Variants in CCDC73 observed in about 807,000 individuals in gnomAD.
CCDC73 encodes coiled-coil domain-containing protein 73.
A neutral mutation model predicts 116.5 loss-of-function variants in CCDC73; 95 were observed. The ratio of observed to expected loss-of-function variants is 0.82; its 90% CI spans 0.69 to 0.97. The LOEUF (loss-of-function observed/expected upper bound fraction) is 0.97. Among genes scored for constraint, CCDC73 ranks in the 50% least tolerant of loss-of-function variants. The probability of loss-of-function intolerance (pLI) is 0.00; values close to 1 mark genes in which losing one functional copy is unlikely to be tolerated. For synonymous variants in CCDC73, 398 were observed against 401.3 expected (o/e 0.99, Z 0.10); for missense variants, 1,066 against 1,206.8 (o/e 0.88, Z 1.73).
At chr11:32,775,796 A>G (rs984189155) in intron 1 of CCDC73, among the ~76,000 whole-genome samples, 2 of 152,018 alleles carry the variant, frequency 1.3e-5, no homozygotes, top group African/African-American at 2.4e-5. Context: ...TTCTTATTTT[A>G]TCTCTTAATT....
chr11:32,772,357 G>T (rs988415663), intron 1 of CCDC73, among the ~76,000 whole-genome samples: 1 of 151,956 alleles, frequency 6.6e-6, no homozygotes, highest in African/African-American at 2.4e-5. Context: ...CAAAAGCAGG[G>T]GGACTGTTCT....
chr11:32,745,838 C>A (rs924324471), intron 2 of CCDC73, among the ~76,000 whole-genome samples: 1 of 148,608 alleles, frequency 6.7e-6, no homozygotes, highest in Non-Finnish European at 1.5e-5. Context: ...TGAGGTGGGT[C>A]TCTTGAATAC....
the CCDC73 span, among the ~76,000 whole-genome samples, chr11:32,808,294 G>T: frequency 6.6e-6 from 1 of 152,218 alleles, no homozygotes; most frequent in African/African-American, 2.4e-5. Flanking sequence ...GTCTTTCTAT[G>T]CTGATAATTT....
chr11:32,763,470 T>C (rs1009798757), intron 1 of CCDC73, among the ~76,000 whole-genome samples: 35 of 152,232 alleles, frequency 2.3e-4, no homozygotes, highest in African/African-American at 7.2e-4. Context: ...CCGCTGCTGA[T>C]ACCCAGGCAA....
intron 5 of CCDC73, 112 bp from the exon 6 acceptor site, chr11:32,699,437 T>C (rs371209516): frequency 8.4e-7 from 1 of 1,193,976 alleles, no homozygotes; most frequent in Non-Finnish European, 1.1e-6. Context: ...CAATACTTTC[T>C]AATGTAAATA....
At chr11:32,734,428 T>C (rs1192591529) in intron 2 of CCDC73, among the ~76,000 whole-genome samples, 1 of 56,092 alleles carries the variant, frequency 1.8e-5, no homozygotes, top group Non-Finnish European at 3.3e-5. Context: ...TTTTTTTCTT[T>C]TTTTTTTTTT....
the CCDC73 span, among the ~76,000 whole-genome samples, chr11:32,824,175 G>A: frequency 1.3e-5 from 2 of 152,084 alleles, no homozygotes; most frequent in Non-Finnish European, 2.9e-5. Context: ...GATTACAGGT[G>A]TGAGCCACCA....
chr11:32,724,639 A>G (rs192535456), intron 2 of CCDC73, among the ~76,000 whole-genome samples: 83 of 151,486 alleles, frequency 5.5e-4, no homozygotes, highest in Admixed American at 1.5e-3. Context: ...TTTCTTCAAT[A>G]ATTGAAAAAG....
intron 17 of CCDC73, chr11:32,603,791 T>C (rs1020991890): frequency 6.6e-6 from 1 of 152,234 alleles, no homozygotes; most frequent in Non-Finnish European, 1.5e-5. Context: ...AAAGGAATAC[T>C]GGGCCAGGCA....
Position 32,616,001 on chromosome 11 carries a change from A to G in CCDC73, c.1314T>C (p.Thr438=). Residue 438 remains threonine, a synonymous_variant, in exon 15 of 18, where the codon ACT becomes ACC. Coordinates refer to ENST00000335185, the MANE Select transcript of CCDC73 (RefSeq NM_001008391.4). ...TTTTTTCTTCTTTTTCTCTGTATTCAGTATCTGAACAAAAATTCTCCATAT... is the reference window on the plus strand; with the variant it reads ...TTTTTTCTTCTTTTTCTCTGTATTCGGTATCTGAACAAAAATTCTCCATAT... ...EENMENFCSD[T]EYREKEEKKE... 6.2e-7 allele frequency: 1 copy of G among 1,600,548 alleles called. No homozygotes were observed. The highest frequency in any genetic ancestry group is 1.3e-5 in the African/African-American group (1 of 74,442).
At position 32,614,718 on chromosome 11, in the gene CCDC73, G is replaced by A. The variant is rs368743877; in HGVS notation, c.1600C>T (p.Pro534Ser). Residue 534 changes from proline (P) to serine (S), a missense_variant, in exon 16 of 18, where the codon CCA (proline) becomes TCA (serine). Coordinates refer to ENST00000335185, the MANE Select transcript of CCDC73 (RefSeq NM_001008391.4). ...KDNGCTEFKS[P>S]NNHFVVLDTA... ...TCTAACACTACAAAATGATTATTTGGTGATTTAAATTCTGTACATCCATTG... is the reference window on the plus strand; with the variant it reads ...TCTAACACTACAAAATGATTATTTGATGATTTAAATTCTGTACATCCATTG... 2 of 1,611,742 alleles carry A rather than the reference G, an allele frequency of 1.2e-6. No homozygotes were observed. Among genetic ancestry groups the A allele is most frequent in the Non-Finnish European group, 1.7e-6 (2 of 1,178,562 alleles).
intron 2 of CCDC73, among the ~76,000 whole-genome samples, chr11:32,732,547 C>T (rs965462515): frequency 2.0e-5 from 3 of 152,080 alleles, no homozygotes; most frequent in Non-Finnish European, 4.4e-5. Flanking sequence ...AAAGGGAAGC[C>T]CATCAGACTA....
Position 32,733,671 on chromosome 11 carries a change from C to T in CCDC73, c.136-15524G>A, listed in dbSNP as rs560164332. Reference sequence around the variant, plus strand: ...GAACAACCTGCTCCTGAATGACTACCGGGTCCATAACGAAATGAAGGCAGA... The same window carrying T: ...GAACAACCTGCTCCTGAATGACTACTGGGTCCATAACGAAATGAAGGCAGA... On this transcript the variant is annotated intron_variant, in intron 2 of 17. Coordinates refer to ENST00000335185, the MANE Select transcript of CCDC73 (RefSeq NM_001008391.4). Among the ~76,000 whole-genome samples, 10 of 152,096 alleles carry T rather than the reference C, an allele frequency of 6.6e-5. 1 individual carries two copies. The highest frequency in any genetic ancestry group is 1.9e-4 in the East Asian group (1 of 5,178).
At chr11:32,735,931 T>C (rs1850125558) in intron 2 of CCDC73, among the ~76,000 whole-genome samples, 1 of 152,174 alleles carries the variant, frequency 6.6e-6, no homozygotes, top group African/African-American at 2.4e-5. Context: ...ATTTAACAAA[T>C]GGTGCTGGGA....
chr11:32,797,076 C>G (rs1269287453), upstream of CCDC73, among the ~76,000 whole-genome samples: 2 of 148,110 alleles, frequency 1.4e-5, no homozygotes, highest in Non-Finnish European at 3.0e-5. Context: ...ATTATTTTCA[C>G]TTTGGGGATA....
intron 9 of CCDC73, among the ~76,000 whole-genome samples, chr11:32,666,462 G>C (rs1855982453): frequency 6.6e-6 from 1 of 152,138 alleles, no homozygotes; most frequent in South Asian, 2.1e-4. Context: ...GGCTACTGAA[G>C]CTTGTGCATT....
At chr11:32,787,922 T>C (rs967716141) in intron 1 of CCDC73, among the ~76,000 whole-genome samples, 1 of 152,182 alleles carries the variant, frequency 6.6e-6, no homozygotes. Flanking sequence ...TTACATTTCC[T>C]AAGGTATGCC....
Position 32,748,939 on chromosome 11 carries a change from G to C in CCDC73, c.135+11170C>G, listed in dbSNP as rs542316275. On this transcript the variant is annotated intron_variant, in intron 2 of 17. Transcript: ENST00000335185. ...TATTGGAGCTCCATGTATGTTATTT[G>C]TTTCTTTTATCTTGATGCTTTTAGG... 4.6e-5 allele frequency among the ~76,000 whole-genome samples: 7 copies of C among 152,144 alleles called. No homozygotes were observed. The South Asian group carries it at 1.5e-3, about 32-fold the overall frequency.
chr11:32,673,674 C>T (rs1420678892), intron 9 of CCDC73, among the ~76,000 whole-genome samples: 1 of 152,220 alleles, frequency 6.6e-6, no homozygotes, highest in Admixed American at 6.5e-5. Context: ...GAATTCCTAA[C>T]TTTGGCCTCA....
Sources: allele counts gnomAD v4.1 joint callset (sites outside exome capture counted in the v4.1 genomes callset), GRCh38; gene constraint gnomAD v4.1.1; transcripts MANE v1.5; gene names NCBI Gene and HGNC (gene_info 2026-07-23, HGNC 2026-07-21).